The following SNTG1 variants were observed in gnomAD, a reference collection of about 807,000 sequenced individuals.
SNTG1 encodes the protein syntrophin gamma 1, also known as gamma-1-syntrophin.
Under a neutral mutation model 74.7 loss-of-function variants are expected in SNTG1, and 39 were observed. The observed-to-expected ratio is 0.52, with a 90% CI of 0.40 to 0.68. The LOEUF is 0.68. SNTG1 is among the 30% of genes least tolerant of loss of function. The pLI, the probability that SNTG1 is intolerant of heterozygous loss-of-function variation, is 0.00. For missense variants in SNTG1, 685 were observed against 609.5 expected (o/e 1.12, Z -1.30); for synonymous variants, 254 against 217.1 (o/e 1.17, Z -1.49).
chr8:50,249,972 A>G (rs1479765822), intron 2 of SNTG1, among the ~76,000 whole-genome samples: 1 of 152,182 alleles, frequency 6.6e-6, no homozygotes, highest in Non-Finnish European at 1.5e-5. Context: ...AACAGATCAT[A>G]AATGAAAGGG....
chr8:50,688,570 T>C (rs1297356895), intron 15 of SNTG1, among the ~76,000 whole-genome samples: 1 of 152,208 alleles, frequency 6.6e-6, no homozygotes, highest in East Asian at 1.9e-4. Context: ...TAATTGTAGA[T>C]ATGCGGCATT....
At chr8:50,501,636 T>G (rs1585482809) in intron 8 of SNTG1, among the ~76,000 whole-genome samples, 1 of 151,160 alleles carries the variant, frequency 6.6e-6, no homozygotes, top group African/African-American at 2.4e-5. Context: ...TTTTGTATTT[T>G]TAGCAGAGAC....
intron 17 of SNTG1, among the ~76,000 whole-genome samples, chr8:50,744,286 C>G (rs73678655): frequency 0.045 from 6,895 of 152,004 alleles, 265 homozygotes; most frequent in African/African-American, 0.1. Context: ...TATCTATACA[C>G]TAACAATGAA....
intron 18 of SNTG1, among the ~76,000 whole-genome samples, chr8:50,778,511 G>C (rs71513507): frequency 9.2e-5 from 14 of 151,698 alleles, no homozygotes; most frequent in Non-Finnish European, 2.1e-4. Context: ...CTTTTGAGAA[G>C]TGTCTGTTCA....
chr8:50,006,452 G>A (rs1371751144), intron 1 of SNTG1, among the ~76,000 whole-genome samples: 1 of 152,116 alleles, frequency 6.6e-6, no homozygotes, highest in Non-Finnish European at 1.5e-5. Context: ...TTCAAGTTGT[G>A]ATCTTCCTAG....
intron 1 of SNTG1, among the ~76,000 whole-genome samples, chr8:50,169,530 T>A (rs1237135068): frequency 5.9e-5 from 9 of 152,176 alleles, no homozygotes; most frequent in African/African-American, 2.2e-4. Context: ...AGCTCAGAAC[T>A]GGGAAGGACA....
intron 1 of SNTG1, among the ~76,000 whole-genome samples, chr8:49,915,437 C>T (rs1280176684): frequency 1.3e-5 from 2 of 152,142 alleles, no homozygotes; most frequent in African/African-American, 2.4e-5. Flanking sequence ...GAATATAATA[C>T]TTCCCTGATA....
At chr8:50,552,056 CAT>C (rs1312271492) in intron 11 of SNTG1, among the ~76,000 whole-genome samples, 3 of 152,116 alleles carry the variant, frequency 2.0e-5, no homozygotes, top group African/African-American at 7.2e-5. Flanking sequence ...TTGGAGAAAA[CAT>C]ATAAATTTAC....
chr8:50,790,459 C>A (rs577184690), intron 18 of SNTG1, among the ~76,000 whole-genome samples: 1 of 151,650 alleles, frequency 6.6e-6, no homozygotes. Flanking sequence ...TGGAAGCTGT[C>A]GGTGGATGGA....
chr8:50,177,575 C>T (rs2083045519), intron 2 of SNTG1, among the ~76,000 whole-genome samples: 1 of 152,148 alleles, frequency 6.6e-6, no homozygotes, highest in African/African-American at 2.4e-5. Flanking sequence ...CTGGTTACAG[C>T]CAGCAAAAAG....
At chr8:50,671,707 G>A (rs770419313) in intron 15 of SNTG1, among the ~76,000 whole-genome samples, 27 of 151,536 alleles carry the variant, frequency 1.8e-4, no homozygotes, top group Middle Eastern at 3.4e-3. Context: ...TATACCCAAA[G>A]GACTATAAAT....
At chr8:50,150,003 A>G (rs575556793) in intron 1 of SNTG1, among the ~76,000 whole-genome samples, 1 of 151,908 alleles carries the variant, frequency 6.6e-6, no homozygotes, top group Admixed American at 6.6e-5. Context: ...CATTTTCACG[A>G]TATTGATTTT....
intron 9 of SNTG1, among the ~76,000 whole-genome samples, chr8:50,527,854 A>C (rs556558856): frequency 1.9e-4 from 29 of 152,090 alleles, no homozygotes; most frequent in Non-Finnish European, 3.2e-4. Context: ...GCAATATATT[A>C]GTCTTTTTAA....
intron 2 of SNTG1, among the ~76,000 whole-genome samples, chr8:50,269,475 A>G (rs1422112894): frequency 6.6e-6 from 1 of 152,154 alleles, no homozygotes; most frequent in Non-Finnish European, 1.5e-5. Context: ...GAAATGCTAT[A>G]AAGTGTAAAC....
intron 12 of SNTG1, among the ~76,000 whole-genome samples, chr8:50,587,804 A>AAAAAG (rs1335770582): frequency 6.7e-6 from 1 of 149,502 alleles, no homozygotes; most frequent in African/African-American, 2.5e-5. Context: ...TCTCAAAAAA[A>AAAAAG]AAAAGAAAAG....
At chr8:50,691,137 T>G (rs2095376884) in intron 15 of SNTG1, among the ~76,000 whole-genome samples, 1 of 152,206 alleles carries the variant, frequency 6.6e-6, no homozygotes, top group Admixed American at 6.5e-5. Flanking sequence ...TGAGCCTATG[T>G]GTGTCTCTGC....
chr8:50,668,495 C>T (rs2095261389), intron 15 of SNTG1, among the ~76,000 whole-genome samples: 1 of 145,304 alleles, frequency 6.9e-6, no homozygotes, highest in African/African-American at 2.6e-5. Flanking sequence ...ATCTTTCGCA[C>T]ATTATTATTA....
intron 1 of SNTG1, among the ~76,000 whole-genome samples, chr8:50,128,287 A>G (rs2081208846): frequency 6.6e-6 from 1 of 152,156 alleles, no homozygotes; most frequent in Non-Finnish European, 1.5e-5. Context: ...AAATAAAATG[A>G]TGGTTGTGAT....
intron 1 of SNTG1, among the ~76,000 whole-genome samples, chr8:50,069,203 T>A (rs898024121): frequency 5.3e-5 from 8 of 152,024 alleles, no homozygotes; most frequent in Admixed American, 4.6e-4. Flanking sequence ...CTTATAGGAG[T>A]GAAAATAAAC....
Sources: allele counts gnomAD v4.1 joint callset (sites outside exome capture counted in the v4.1 genomes callset), GRCh38; gene constraint gnomAD v4.1.1; transcripts MANE v1.5; gene names NCBI Gene and HGNC (gene_info 2026-07-23, HGNC 2026-07-21).